The following CCDC80 variants were observed in gnomAD, a reference collection of about 807,000 sequenced individuals.
The protein encoded by CCDC80 is coiled-coil domain-containing protein 80.
In CCDC80, 49 loss-of-function variants were observed where a neutral mutation model predicts 78.7. The ratio of observed to expected loss-of-function variants is 0.62; its 90% CI spans 0.50 to 0.79. The LOEUF is 0.79. Ranked by LOEUF, CCDC80 falls within the 30% of genes least tolerant of loss-of-function variation. The probability of loss-of-function intolerance (pLI) is 0.00; values close to 1 mark genes in which losing one functional copy is unlikely to be tolerated. For missense variants in CCDC80, 1,205 were observed against 1,198.6 expected, an observed-to-expected ratio of 1.01 and a Z score of -0.08; for synonymous variants, 488 against 447.0, an observed-to-expected ratio of 1.09 and a Z score of -1.16.
intron 3 of CCDC80, among the ~76,000 whole-genome samples, chr3:112,619,831 A>G (rs749954278): frequency 6.6e-6 from 1 of 152,234 alleles, no homozygotes; most frequent in African/African-American, 2.4e-5. Context: ...TCAAGATACT[A>G]GTGGCTTTAC....
rs1053199736 is a variant in CCDC80 at position 112,640,191 on chromosome 3, C to G, written c.-12+136G>C. 50 of 418,824 alleles carry G rather than the reference C, an allele frequency of 1.2e-4. 1 individual carries two copies. The South Asian group carries it at 1.9e-3, about 16-fold the overall frequency. The allele number at this position is 418,824 out of a possible 1,614,324, so 25.9% of individuals were successfully genotyped here. ...CCCAGTCAGCATGCTTGTACTGTTT[C>G]AACTAATGCTCTGGATGCTCCAAAG... On this transcript the variant is annotated intron_variant, in intron 1 of 7. Transcript: ENST00000206423.
rs931526072 is a variant in CCDC80, at chr3:112,638,939, T to C, written c.967A>G (p.Thr323Ala). Residue 323 changes from threonine (T) to alanine (A), a missense_variant, in exon 2 of 8, where the codon ACC (threonine) becomes GCC (alanine). By Grantham distance (58) the Thr-to-Ala change is moderately conservative. Transcript: ENST00000206423. ...EDPRRAQVPP[T>A]RESRVKVLRK... ...AGGACCTTCACCCGACTCTCTCTGG[T>C]TGGTGGGACTTGTGCTCTCCTTGGG... 1 of 1,613,096 alleles carries C rather than the reference T, an allele frequency of 6.2e-7. No individual in the cohort carries two copies. The highest frequency in any genetic ancestry group is 8.5e-7 in the Non-Finnish European group (1 of 1,179,976).
intron 3 of CCDC80, among the ~76,000 whole-genome samples, chr3:112,621,622 A>G (rs1342683002): frequency 1.3e-5 from 2 of 152,168 alleles, no homozygotes; most frequent in Non-Finnish European, 2.9e-5. Flanking sequence ...GCTCCACACC[A>G]TCACATTATT....
chr3:112,621,128 T>C (rs1935857360), intron 3 of CCDC80, among the ~76,000 whole-genome samples: 1 of 152,186 alleles, frequency 6.6e-6, no homozygotes, highest in Non-Finnish European at 1.5e-5. Context: ...GCCCAGTAAC[T>C]ACAGCTTCTT....
At position 112,617,557 on chromosome 3, in the gene CCDC80, C is replaced by T. The variant is rs186629358; in HGVS notation, c.2173-699G>A. Among the ~76,000 whole-genome samples, 3 of 152,308 alleles carry T rather than the reference C, an allele frequency of 2.0e-5. No homozygotes were observed. The East Asian group carries it at 5.8e-4, about 29-fold the overall frequency. On this transcript the variant is annotated intron_variant, in intron 4 of 7. Coordinates refer to ENST00000206423, the MANE Select transcript of CCDC80 (RefSeq NM_199511.3). ...TTCAGTAAATCACAGAATGTGAGAG[C>T]TGGTAAGGACCTTAGAGATTATCTG... is the stretch of plus-strand genomic sequence containing the variant.
intron 4 of CCDC80, among the ~76,000 whole-genome samples, chr3:112,617,488 G>A (rs927552726): frequency 7.9e-5 from 12 of 152,192 alleles, no homozygotes; most frequent in African/African-American, 2.7e-4. Flanking sequence ...GCATAAACTG[G>A]AGAGCAGTCT....
chr3:112,636,646 C>T (rs1005485418), intron 2 of CCDC80, among the ~76,000 whole-genome samples: 7 of 152,186 alleles, frequency 4.6e-5, no homozygotes, highest in African/African-American at 1.7e-4. Context: ...AGATTATTAA[C>T]CGAAATTTAG....
In CCDC80 at chr3:112,597,638, CTG is replaced by C. The variant is rs1227225386; in HGVS notation, c.*7777_*7778del. On this transcript the variant is annotated 3_prime_UTR_variant, in exon 8 of 8. Transcript: ENST00000206423. ...AGAGGTAAAAAATCTTCAGGAGAAA[CTG>C]TGCCTGAACTGTGAGTATCCAGAAG... 6 of 152,134 alleles carry C rather than the reference CTG, an allele frequency of 3.9e-5. No individual in the cohort carries two copies. Among genetic ancestry groups the C allele is most frequent in the Non-Finnish European group, 8.8e-5 (6 of 68,020 alleles). 9.4% of individuals were successfully genotyped at this position (152,134 alleles called of 1,614,324 possible).
At chr3:112,630,595 C>T (rs1293249163) in intron 2 of CCDC80, among the ~76,000 whole-genome samples, 1 of 152,196 alleles carries the variant, frequency 6.6e-6, no homozygotes. Flanking sequence ...GAATACTTGG[C>T]ATGCAATAAT....
chr3:112,614,235 G>A (rs1003043367), intron 5 of CCDC80, among the ~76,000 whole-genome samples: 10 of 152,052 alleles, frequency 6.6e-5, no homozygotes, highest in Admixed American at 6.6e-4. Flanking sequence ...ATTATTCAAA[G>A]CCCTCTTAAA....
intron 5 of CCDC80, among the ~76,000 whole-genome samples, chr3:112,616,477 A>G (rs188429760): frequency 1.3e-5 from 2 of 150,524 alleles, no homozygotes; most frequent in East Asian, 1.9e-4. Context: ...GAAAAGACCT[A>G]TCCTGAGTCA....
At chr3:112,634,100 C>G (rs3933099) in intron 2 of CCDC80, among the ~76,000 whole-genome samples, 98,756 of 152,116 alleles carry the variant, frequency 0.65, 37,109 homozygotes, top group Non-Finnish European at 0.84. Context: ...CTTTAAGTCT[C>G]AGATTATTCA....
intron 2 of CCDC80, among the ~76,000 whole-genome samples, chr3:112,635,090 A>G (rs1936179078): frequency 6.6e-6 from 1 of 152,198 alleles, no homozygotes; most frequent in African/African-American, 2.4e-5. Context: ...CTCCACCTGC[A>G]GCTCCTGTGA....
intron 2 of CCDC80, among the ~76,000 whole-genome samples, chr3:112,631,263 G>A (rs527414873): frequency 1.3e-5 from 2 of 152,214 alleles, no homozygotes; most frequent in Non-Finnish European, 1.5e-5. Context: ...CAATCCTTGA[G>A]CTGAAGCTAG....
Position 112,630,252 on chromosome 3 carries a change from C to T in CCDC80, c.1896G>A (p.Lys632=). The change falls in exon 3 of 8, where the codon AAG becomes AAA. Residue 632 remains lysine (K), a synonymous_variant. Coordinates refer to ENST00000206423, the MANE Select transcript of CCDC80 (RefSeq NM_199511.3). ...KRRLLLITAP[K]AENNMYVQQR... ...GTTGCACATACATATTGTTCTCAGC[C>T]TTGGGAGCAGTGATCAGCTGGAGGT... 1 of 1,613,748 alleles carries T rather than the reference C, an allele frequency of 6.2e-7. No homozygotes were observed. The highest frequency in any genetic ancestry group is 8.5e-7 in the Non-Finnish European group (1 of 1,179,770).
intron 2 of CCDC80, among the ~76,000 whole-genome samples, chr3:112,636,557 G>A (rs905303004): frequency 6.6e-6 from 1 of 152,164 alleles, no homozygotes; most frequent in Non-Finnish European, 1.5e-5. Context: ...AAAGAACTTT[G>A]CTCTGAGTAA....
intron 5 of CCDC80, among the ~76,000 whole-genome samples, chr3:112,610,754 A>G (rs921268917): frequency 3.3e-5 from 5 of 152,074 alleles, no homozygotes; most frequent in Non-Finnish European, 5.9e-5. Flanking sequence ...TAAGCCTAGA[A>G]CCATAAGATT....
intron 4 of CCDC80, among the ~76,000 whole-genome samples, chr3:112,618,428 G>A (rs1357914245): frequency 6.6e-6 from 1 of 152,156 alleles, no homozygotes; most frequent in East Asian, 1.9e-4. Flanking sequence ...TCGGGAGGAT[G>A]AGGCAGGAGA....
chr3:112,616,479 C>G (rs1298838622), intron 5 of CCDC80, among the ~76,000 whole-genome samples: 1 of 149,412 alleles, frequency 6.7e-6, no homozygotes, highest in African/African-American at 2.5e-5. Context: ...AAAGACCTAT[C>G]CTGAGTCACC....
Sources: allele counts gnomAD v4.1 joint callset (sites outside exome capture counted in the v4.1 genomes callset), GRCh38; gene constraint gnomAD v4.1.1; transcripts MANE v1.5; gene names NCBI Gene and HGNC (gene_info 2026-07-23, HGNC 2026-07-21).